The following YPEL4 variants were observed in gnomAD, a reference collection of about 807,000 sequenced individuals.
The protein encoded by YPEL4 is protein yippee-like 4.
A neutral mutation model predicts 16.3 loss-of-function variants in YPEL4; 5 were observed. The observed-to-expected ratio is 0.31, with a 90% CI of 0.16 to 0.64. The LOEUF (loss-of-function observed/expected upper bound fraction) is 0.64, where lower values mean the gene tolerates loss of function less well. Ranked by LOEUF, YPEL4 falls within the 30% of genes least tolerant of loss-of-function variation. YPEL4 has a pLI of 0.79. For missense variants in YPEL4, 127 were observed against 170.0 expected (o/e 0.75, Z 1.41); for synonymous variants, 61 against 60.7 (o/e 1.00, Z -0.02).
In YPEL4 at chr11:57,649,416, C is replaced by T. The variant is rs886344849; in HGVS notation, c.-185+269G>A. The T allele has an allele frequency of 3.9e-5, 6 of 152,426 alleles. No homozygotes were observed. The East Asian group carries it at 1.2e-3, about 29-fold the overall frequency. 9.4% of individuals were successfully genotyped at this position (152,426 alleles called of 1,614,324 possible). ...TTAGCAGCACCGCCAGCTCCCAGGG[C>T]AGGCTTTGGGGGTCTGCACCAGCAG... On this transcript the variant is annotated intron_variant, in intron 1 of 4. Transcript: ENST00000300022.
In YPEL4 at chr11:57,645,616, C is replaced by G. The variant is rs1945721614; in HGVS notation, c.*365G>C. On this transcript the variant is annotated 3_prime_UTR_variant, in exon 5 of 5. Coordinates refer to ENST00000300022, the MANE Select transcript of YPEL4 (RefSeq NM_145008.3). ...TGCCCTGTGACCCAAGGTTTGTCCT[C>G]TGTTCACTCAAAAAGAGGTGGAGCA... 4.2e-6 allele frequency: 1 copy of G among 240,888 alleles called. No individual in the cohort carries two copies. Among genetic ancestry groups the G allele is most frequent in the Admixed American group, 5.0e-5 (1 of 19,810 alleles). 14.9% of individuals were successfully genotyped at this position (240,888 alleles called of 1,614,324 possible). A position where few individuals can be genotyped will look rare whatever the true frequency, so the allele number is the denominator to read the frequency against.
chr11:57,647,260 C>CA lies in YPEL4; in HGVS notation c.-154_-153insT. ...GGGGGGCTGCCCGGCCAGGGCCCCC[C>CA]CAGACGAGAACCAGATAGAAATAGA... On this transcript the variant is annotated 5_prime_UTR_variant, in exon 2 of 5. Coordinates refer to ENST00000300022, the MANE Select transcript of YPEL4 (RefSeq NM_145008.3). The surrounding 1 kb of genome is among the most constrained non-coding windows in gnomAD (Gnocchi z 4.2). The CA allele has an allele frequency of 1.9e-6, 2 of 1,059,340 alleles. No homozygotes were observed. The highest frequency in any genetic ancestry group is 3.2e-4 in the Middle Eastern group (1 of 3,132). The allele number at this position is 1,059,340 out of a possible 1,614,324, so 65.6% of individuals were successfully genotyped here.
In YPEL4 at chr11:57,647,051, G is replaced by T; in HGVS notation, c.57C>A (p.Arg19=). The stretch of plus-strand genomic sequence containing the variant: ...TGCGGTGACAGCGGGGCAGATAGCT[G>T]CGGAAAGTCTTGGTGGGGAGGCAGG... ...GPACLPTKTF[R]SYLPRCHRTY... is the part of the protein sequence containing the mutation. Residue 19 remains arginine (R), a synonymous_variant, in exon 2 of 5, where the codon CGC becomes CGA. Transcript: ENST00000300022. This position sits in a 1 kb window ranked among gnomAD's most constrained non-coding sequence, Gnocchi z 4.2. The T allele has an allele frequency of 6.3e-7, 1 of 1,598,034 alleles. No individual in the cohort carries two copies.
In YPEL4 at chr11:57,646,780, G is replaced by A; in HGVS notation, c.156C>T (p.Ser52=). ...DELISKSFQG[S]HGRAYLFNSV... is the part of the protein sequence containing the mutation. ...AGTTAAACAGGTAGGCTCGGCCATGGCTCCCTTGGAAGGACTGTGGAGACA... is the reference window on the plus strand; with the variant it reads ...AGTTAAACAGGTAGGCTCGGCCATGACTCCCTTGGAAGGACTGTGGAGACA... Residue 52 remains serine (S), a synonymous_variant, in exon 3 of 5, where the codon AGC becomes AGT. Transcript: ENST00000300022. 6.2e-7 allele frequency: 1 copy of A among 1,613,976 alleles called. No individual in the cohort carries two copies. Among genetic ancestry groups the A allele is most frequent in the Non-Finnish European group, 8.5e-7 (1 of 1,179,956 alleles).
chr11:57,646,705 TCACA>T (rs751391554), intron 3 of YPEL4, 42 bp downstream of exon 3: 17 of 1,609,374 alleles, frequency 1.1e-5, no homozygotes, highest in Non-Finnish European at 1.3e-5. Context: ...AATTACTCAC[TCACA>T]CACAAGCACA....
chr11:57,649,270 C>G (rs1444643843), intron 1 of YPEL4: 1 of 140,760 alleles, frequency 7.1e-6, no homozygotes, highest in Non-Finnish European at 1.5e-5. Context: ...GTGCGAATCT[C>G]GTGCTTCTCA....
intron 3 of YPEL4, 88 bp from the exon 4 acceptor site, chr11:57,646,493 G>A: frequency 1.4e-6 from 2 of 1,470,092 alleles, no homozygotes; most frequent in Non-Finnish European, 1.9e-6. Context: ...CTTCCATCTG[G>A]AGAGAACTGG....
At chr11:57,646,143 C>T in intron 4 of YPEL4, 73 bp from the exon 5 acceptor site, 1 of 1,580,520 alleles carries the variant, frequency 6.3e-7, no homozygotes, top group African/African-American at 1.3e-5. Context: ...CTGTATGGCC[C>T]CCACCCCAAG....
Position 57,646,300 on chromosome 11 carries a change from T to C in YPEL4, c.291A>G (p.Lys97=). The change falls in exon 4 of 5, where the codon AAA becomes AAG. Residue 97 remains lysine (K), a synonymous_variant. Coordinates refer to ENST00000300022, the MANE Select transcript of YPEL4 (RefSeq NM_145008.3). ...CESCKTTLGW[K]YEQAFETSQK... ...ACCCTCTTCCTCAGGTACTTACATA[T>C]TTCCAGCCCAGTGTGGTTTTGCAGC... 2.5e-6 allele frequency: 4 copies of C among 1,614,166 alleles called. No homozygotes were observed. The highest frequency in any genetic ancestry group is 3.4e-6 in the Non-Finnish European group (4 of 1,180,030).
In YPEL4 at chr11:57,647,391, T is replaced by G; in HGVS notation, c.-184-100A>C. On this transcript the variant is annotated intron_variant, in intron 1 of 4. Transcript: ENST00000300022. This position sits in a 1 kb window ranked among gnomAD's most constrained non-coding sequence, Gnocchi z 4.2. ...GAATCAGCTCACCCATACCTCTACTTTCCCCATCACCATCGACCCCCCCAC... is the reference window on the plus strand; with the variant it reads ...GAATCAGCTCACCCATACCTCTACTGTCCCCATCACCATCGACCCCCCCAC... 2 of 312,510 alleles carry G rather than the reference T, an allele frequency of 6.4e-6. No individual in the cohort carries two copies. Among genetic ancestry groups the G allele is most frequent in the African/African-American group, 2.2e-5 (1 of 46,198 alleles). 19.4% of individuals were successfully genotyped at this position (312,510 alleles called of 1,614,324 possible).
chr11:57,646,408 GTC>G lies in YPEL4; in HGVS notation c.186-5_186-4del, dbSNP rs775240995. The G allele has an allele frequency of 6.2e-7, 1 of 1,614,110 alleles. No homozygotes were observed. Among genetic ancestry groups the G allele is most frequent in the Admixed American group, 1.7e-5 (1 of 60,022 alleles). On this transcript the variant is annotated splice_polypyrimidine_tract_variant and splice_region_variant and intron_variant, in intron 3 of 4. Coordinates refer to ENST00000300022, the MANE Select transcript of YPEL4 (RefSeq NM_145008.3). ...CTGGCCCGCAACCCACGTTGACCCTGTCTCAGGAAACAGGAAGGACCCAGCAC... is the reference window on the plus strand; with the variant it reads ...CTGGCCCGCAACCCACGTTGACCCTGTCAGGAAACAGGAAGGACCCAGCAC...
chr11:57,646,587 C>T (rs529548512), intron 3 of YPEL4, 164 bp downstream of exon 3: 18 of 1,231,762 alleles, frequency 1.5e-5, no homozygotes, highest in South Asian at 5.5e-5. Context: ...AATTCTCCCC[C>T]GGCTCCCCAT....
At position 57,645,666 on chromosome 11, in the gene YPEL4, C is replaced by G; in HGVS notation, c.*315G>C. 2.9e-6 allele frequency: 1 copy of G among 343,056 alleles called. No homozygotes were observed. The highest frequency in any genetic ancestry group is 5.2e-5 in the East Asian group (1 of 19,068). 21.3% of individuals were successfully genotyped at this position (343,056 alleles called of 1,614,324 possible). A position where few individuals can be genotyped will look rare whatever the true frequency, so the allele number is the denominator to read the frequency against. On this transcript the variant is annotated 3_prime_UTR_variant, in exon 5 of 5. Transcript: ENST00000300022. ...AAAAACGGATTCCTCCCACAATCCT[C>G]TCTGCCTGAGTCTATGCCCTGCCAT...
rs1453808044 is a variant in YPEL4 at position 57,645,134 on chromosome 11, T to C, written c.*847A>G. 1 of 152,206 alleles carries C rather than the reference T, an allele frequency of 6.6e-6. No homozygotes were observed. Among genetic ancestry groups the C allele is most frequent in the Admixed American group, 6.5e-5 (1 of 15,282 alleles). 9.4% of individuals were successfully genotyped at this position (152,206 alleles called of 1,614,324 possible). A position where few individuals can be genotyped will look rare whatever the true frequency, so the allele number is the denominator to read the frequency against. ...ATTAAAAATAGACTCAAGCACTTTATGTATCATACAAAAGTTTCATTCGCT... is the reference window on the plus strand; with the variant it reads ...ATTAAAAATAGACTCAAGCACTTTACGTATCATACAAAAGTTTCATTCGCT... On this transcript the variant is annotated 3_prime_UTR_variant, in exon 5 of 5. Transcript: ENST00000300022.
intron 2 of YPEL4, 75 bp downstream of exon 2, chr11:57,646,892 G>A (rs1945736404): frequency 1.3e-6 from 2 of 1,587,720 alleles, no homozygotes. Context: ...GAGCTTTGCT[G>A]CCTCACCCCT....
rs780232043 is a variant in YPEL4 at position 57,647,065 on chromosome 11, T to C, written c.43A>G (p.Thr15Ala). 6.3e-7 allele frequency: 1 copy of C among 1,595,772 alleles called. No individual in the cohort carries two copies. Among genetic ancestry groups the C allele is most frequent in the South Asian group, 1.1e-5 (1 of 88,200 alleles). The change falls in exon 2 of 5, where the codon ACC becomes GCC. Residue 15 changes from threonine (T) to alanine (A), a missense_variant. Transcript: ENST00000300022. This position sits in a 1 kb window ranked among gnomAD's most constrained non-coding sequence, Gnocchi z 4.2. Reference sequence around the variant, plus strand: ...GGCAGATAGCTGCGGAAAGTCTTGGTGGGGAGGCAGGCAGGGCCCGGACCG... The same window carrying C: ...GGCAGATAGCTGCGGAAAGTCTTGGCGGGGAGGCAGGCAGGGCCCGGACCG... The part of the protein sequence containing the change: ...DPGPGPACLP[T>A]KTFRSYLPRC...
rs919696469 is a variant in YPEL4, at chr11:57,645,555, T to G, written c.*426A>C. The G allele has an allele frequency of 3.0e-5, 5 of 166,890 alleles. No individual in the cohort carries two copies. Among genetic ancestry groups the G allele is most frequent in the Admixed American group, 2.2e-4 (4 of 18,098 alleles). The allele number at this position is 166,890 out of a possible 1,614,324, so 10.3% of individuals were successfully genotyped here. A position where few individuals can be genotyped will look rare whatever the true frequency, so the allele number is the denominator to read the frequency against. On this transcript the variant is annotated 3_prime_UTR_variant, in exon 5 of 5. Transcript: ENST00000300022. ...CCAGAATTTCACTCCAACCCAAGTC[T>G]TTTCTCATCTGCTGTTCTGTGGTCC...
At chr11:57,646,451 T>A (rs758019557) in intron 3 of YPEL4, 46 bp from the exon 4 acceptor site, 1 of 1,607,128 alleles carries the variant, frequency 6.2e-7, no homozygotes, top group South Asian at 1.1e-5. Flanking sequence ...GGGGTTGCAC[T>A]GTCAGTCCAG....
At chr11:57,648,934 C>G (rs1945761330) in intron 1 of YPEL4, 1 of 152,274 alleles carries the variant, frequency 6.6e-6, no homozygotes, top group Non-Finnish European at 1.5e-5. Flanking sequence ...AGCTTGGGTC[C>G]CCAATCCTGA....
Sources: gnomAD v4.1 joint callset for allele counts on GRCh38, gnomAD v4.1.1 for gene constraint, Gnocchi (gnomAD v3.1) non-coding constraint, MANE v1.5 for transcripts, NCBI Gene and HGNC (gene_info 2026-07-23, HGNC 2026-07-21) for gene names.